Variants in RBFOX3 observed in about 807,000 individuals in gnomAD.
RBFOX3 encodes the protein RNA binding protein fox-1 homolog 3.
A neutral mutation model predicts 48.7 loss-of-function variants in RBFOX3; 17 were observed. That is an observed-to-expected ratio of 0.35 (90% CI 0.24 to 0.52). The LOEUF (loss-of-function observed/expected upper bound fraction) is 0.52, where lower values mean the gene tolerates loss of function less well. Ranked by LOEUF, RBFOX3 falls within the 20% of genes least tolerant of loss-of-function variation. RBFOX3 has a pLI of 0.94. For missense variants in RBFOX3, 382 were observed against 497.5 expected (o/e 0.77, Z 2.21); for synonymous variants, 212 against 209.5 (o/e 1.01, Z -0.10).
intron 2 of RBFOX3, among the ~76,000 whole-genome samples, chr17:79,429,587 G>T (rs2068041781): frequency 6.6e-6 from 1 of 152,086 alleles, no homozygotes; most frequent in Non-Finnish European, 1.5e-5. Context: ...GCCGAGGTTG[G>T]GTCCTCAAGG....
intron 2 of RBFOX3, among the ~76,000 whole-genome samples, chr17:79,338,847 G>T (rs2146583700): frequency 6.6e-6 from 1 of 152,260 alleles, no homozygotes; most frequent in South Asian, 2.1e-4. Context: ...GCTCAAACTT[G>T]CTTGGCCCTG....
chr17:79,453,837 T>G (rs781944222), intron 2 of RBFOX3, among the ~76,000 whole-genome samples: 1 of 152,030 alleles, frequency 6.6e-6, no homozygotes, highest in African/African-American at 2.4e-5. Flanking sequence ...CACGCAGGCA[T>G]GAGGGAGGCT....
At chr17:79,614,162 G>A (rs933914166), upstream of RBFOX3, among the ~76,000 whole-genome samples, 22 of 152,346 alleles carry the variant, frequency 1.4e-4, no homozygotes, top group Middle Eastern at 0.01. Context: ...CTCAGAAGGC[G>A]TGGGGCCCAA....
intron 2 of RBFOX3, among the ~76,000 whole-genome samples, chr17:79,360,422 C>T (rs79904625): frequency 0.013 from 1,949 of 152,302 alleles, 46 homozygotes; most frequent in African/African-American, 0.044. Context: ...TGCTCACCAG[C>T]CCCGCCAAGC....
chr17:79,218,065 C>T (rs1229810800), intron 4 of RBFOX3, among the ~76,000 whole-genome samples: 3 of 152,006 alleles, frequency 2.0e-5, no homozygotes, highest in Admixed American at 6.6e-5. Context: ...GTCAGGTGGA[C>T]GGTGGTACCC....
In RBFOX3 at chr17:79,243,757, C is replaced by T. The variant is rs2062737370; in HGVS notation, c.-73-7952G>A. 6.6e-6 allele frequency among the ~76,000 whole-genome samples: 1 copy of T among 152,144 alleles called. No homozygotes were observed. The highest frequency in any genetic ancestry group is 1.5e-5 in the Non-Finnish European group (1 of 68,026). ...CACCTGTCCCTGGGTCAGCCAGGCT[C>T]AGAAACAGAAGCCCAGAGAAGGAAT... is the stretch of plus-strand genomic sequence containing the variant. On this transcript the variant is annotated intron_variant, in intron 3 of 14. Transcript: ENST00000693108. The surrounding 1 kb of genome is among the most constrained non-coding windows in gnomAD (Gnocchi z 7.9).
chr17:79,642,949 T>A, the RBFOX3 span, among the ~76,000 whole-genome samples: 1 of 152,008 alleles, frequency 6.6e-6, no homozygotes, highest in African/African-American at 2.4e-5. Context: ...TACAAAAAAT[T>A]AAATTAGCCT....
chr17:79,222,036 C>G (rs561877439), intron 4 of RBFOX3, among the ~76,000 whole-genome samples: 1 of 152,326 alleles, frequency 6.6e-6, no homozygotes, highest in East Asian at 1.9e-4. Flanking sequence ...AGGTGTTCCA[C>G]CAGAGCCGAT....
intron 3 of RBFOX3, among the ~76,000 whole-genome samples, chr17:79,281,255 G>A (rs1335957583): frequency 3.3e-5 from 5 of 152,232 alleles, no homozygotes; most frequent in African/African-American, 7.2e-5. Flanking sequence ...TGGAGGAGCC[G>A]TGGGCTTGTG....
At position 79,258,564 on chromosome 17, in the gene RBFOX3, C is replaced by T. The variant is rs752832068; in HGVS notation, c.-73-22759G>A. ...GCCTGGATGGAGCCAGGACCACTAA[C>T]GACACTCAGGGGTCAGATCCTGGGC... is the stretch of plus-strand genomic sequence containing the variant. On this transcript the variant is annotated intron_variant, in intron 3 of 14. Coordinates refer to ENST00000693108, the MANE Select transcript of RBFOX3 (RefSeq NM_001350451.2). 3.9e-5 allele frequency among the ~76,000 whole-genome samples: 6 copies of T among 152,172 alleles called. No homozygotes were observed. The South Asian group carries it at 6.2e-4, about 16-fold the overall frequency.
intron 2 of RBFOX3, among the ~76,000 whole-genome samples, chr17:79,378,368 T>C (rs2059474016): frequency 6.6e-6 from 1 of 152,170 alleles, no homozygotes; most frequent in Non-Finnish European, 1.5e-5. Flanking sequence ...GATCCCACTT[T>C]AGTAACACAT....
At chr17:79,318,120 A>G (rs536801391) in intron 2 of RBFOX3, among the ~76,000 whole-genome samples, 1 of 152,298 alleles carries the variant, frequency 6.6e-6, no homozygotes, top group Admixed American at 6.5e-5. Context: ...AGAGCTTACA[A>G]CTGGGGAGGT....
chr17:79,348,171 A>T (rs1482544427), intron 2 of RBFOX3, among the ~76,000 whole-genome samples: 3 of 152,192 alleles, frequency 2.0e-5, no homozygotes, highest in African/African-American at 4.8e-5. Context: ...AAAGCGGGGA[A>T]GTGACTGCTG....
chr17:79,563,065 G>C (rs1053836849), intron 1 of RBFOX3, among the ~76,000 whole-genome samples: 2 of 152,192 alleles, frequency 1.3e-5, no homozygotes, highest in Admixed American at 6.5e-5. Context: ...CAGAGCGGGC[G>C]GGGGGAGCAA....
At chr17:79,346,443 A>G (rs1469773563) in intron 2 of RBFOX3, among the ~76,000 whole-genome samples, 1 of 152,206 alleles carries the variant, frequency 6.6e-6, no homozygotes, top group East Asian at 1.9e-4. Flanking sequence ...GTTTCTGGGA[A>G]TCCTGGGAAT....
chr17:79,236,478 C>T (rs555081450), intron 3 of RBFOX3, among the ~76,000 whole-genome samples: 1 of 152,124 alleles, frequency 6.6e-6, no homozygotes, highest in South Asian at 2.1e-4. Context: ...TTAGTAGAGA[C>T]GGGGGTCTCG....
chr17:79,412,636 A>G (rs927363342), intron 2 of RBFOX3, among the ~76,000 whole-genome samples: 2 of 150,966 alleles, frequency 1.3e-5, no homozygotes, highest in African/African-American at 4.9e-5. Flanking sequence ...GAATGTGTGC[A>G]TGTATGCATG....
At chr17:79,613,011 C>T (rs2093980676), upstream of RBFOX3, among the ~76,000 whole-genome samples, 1 of 152,232 alleles carries the variant, frequency 6.6e-6, no homozygotes, top group Non-Finnish European at 1.5e-5. Flanking sequence ...GGGATTCGAG[C>T]CCATCTCCGT....
Position 79,220,911 on chromosome 17 carries a change from T to C in RBFOX3, c.-34+14855A>G, listed in dbSNP as rs1193765441. ...GAATGTGCATTGGGTGCAGCAGGGGTGAGAGGGTGGAGTGCAGGGAGGTGG... is the reference window on the plus strand; with the variant it reads ...GAATGTGCATTGGGTGCAGCAGGGGCGAGAGGGTGGAGTGCAGGGAGGTGG... On this transcript the variant is annotated intron_variant, in intron 4 of 14. Transcript: ENST00000693108. The surrounding 1 kb of genome is among the most constrained non-coding windows in gnomAD (Gnocchi z 5.9). 1.3e-5 allele frequency among the ~76,000 whole-genome samples: 2 copies of C among 151,534 alleles called. No homozygotes were observed. The highest frequency in any genetic ancestry group is 2.4e-5 in the African/African-American group (1 of 41,234).
Sources: allele counts gnomAD v4.1 joint callset (sites outside exome capture counted in the v4.1 genomes callset), GRCh38; gene constraint gnomAD v4.1.1; non-coding constraint Gnocchi (gnomAD v3.1); transcripts MANE v1.5; gene names NCBI Gene and HGNC (gene_info 2026-07-23, HGNC 2026-07-21).